GPR89B: variants seen among roughly 807,000 people sequenced by gnomAD.
GPR89B encodes G protein-coupled receptor 89B.
In GPR89B, 25 loss-of-function variants were observed where a neutral mutation model predicts 52.4. The observed-to-expected ratio is 0.48, with a 90% CI of 0.35 to 0.67. The LOEUF (loss-of-function observed/expected upper bound fraction) is 0.67. Among genes scored for constraint, GPR89B ranks in the 30% least tolerant of loss-of-function variants. GPR89B has a pLI of 0.01. For synonymous variants in GPR89B, 52 were observed against 151.2 expected, an observed-to-expected ratio of 0.34 and a Z score of 4.81; for missense variants, 146 against 450.2, an observed-to-expected ratio of 0.32 and a Z score of 6.11.
downstream of GPR89B, chr1:147,995,946 C>G (rs1311786116): frequency 6.9e-6 from 10 of 1,455,312 alleles, no homozygotes; most frequent in Admixed American, 1.3e-4. Context: ...CAGACTAGCT[C>G]TCCTTAAGAG....
At chr1:147,969,775 C>T (rs1434456780) in intron 9 of GPR89B, 92 bp from the exon 10 acceptor site, 3 of 1,518,616 alleles carry the variant, frequency 2.0e-6, no homozygotes, top group East Asian at 4.9e-5. Flanking sequence ...TTTGACTGAA[C>T]CTGAACAGTG....
chr1:147,958,991 T>A (rs1656337538), intron 7 of GPR89B, among the ~76,000 whole-genome samples: 1 of 152,234 alleles, frequency 6.6e-6, no homozygotes, highest in Admixed American at 6.5e-5. Context: ...GTTTTTGTTG[T>A]TTACAAGTGG....
rs1171916425 is a variant in GPR89B, at chr1:147,971,422, A to T, written c.909+1463A>T. ...CGTCTCAGCCTCCCAAAGTGCTGGGACTACAGGCGTGAGCCATCACACCCG... is the reference window on the plus strand; with the variant it reads ...CGTCTCAGCCTCCCAAAGTGCTGGGTCTACAGGCGTGAGCCATCACACCCG... On this transcript the variant is annotated intron_variant, in intron 10 of 13. Coordinates refer to ENST00000314163, the MANE Select transcript of GPR89B (RefSeq NM_016334.5). 8.3e-5 allele frequency among the ~76,000 whole-genome samples: 12 copies of T among 143,818 alleles called. No homozygotes were observed. The Admixed American group carries it at 8.4e-4, about 10-fold the overall frequency. 94.4% of individuals were successfully genotyped at this position (143,818 alleles called of 152,430 possible).
rs781785582 is a variant in GPR89B at position 147,944,126 on chromosome 1, G to T, written c.415+28G>T. 2.5e-6 allele frequency: 4 copies of T among 1,591,232 alleles called. No homozygotes were observed. In the South Asian group the frequency reaches 4.7e-5, roughly 19 times the overall value. ...GAGTATATATAGGAGGGCAGAGGAA[G>T]TGGGGGGAGAAGATTTGTTTAATTT... On this transcript the variant is annotated intron_variant, in intron 5 of 13. Transcript: ENST00000314163.
intron 5 of GPR89B, among the ~76,000 whole-genome samples, chr1:147,947,291 T>C (rs1655055982): frequency 6.8e-6 from 1 of 147,322 alleles, no homozygotes; most frequent in African/African-American, 2.6e-5. Context: ...TGAGCTGAGA[T>C]CGTGCCACTC....
At chr1:148,013,859 G>C in the GPR89B span, among the ~76,000 whole-genome samples, 1 of 152,026 alleles carries the variant, frequency 6.6e-6, no homozygotes, top group Non-Finnish European at 1.5e-5. Context: ...AGGACGGCTG[G>C]GGAGGAGGAG....
At chr1:147,968,577 C>T (rs1657197891) in intron 8 of GPR89B, 1 of 482,922 alleles carries the variant, frequency 2.1e-6, no homozygotes. Context: ...TTACATTTGA[C>T]TTAATCTAAC....
chr1:147,965,589 C>G (rs1656968328), intron 7 of GPR89B, among the ~76,000 whole-genome samples: 2 of 152,082 alleles, frequency 1.3e-5, no homozygotes, highest in East Asian at 1.9e-4. Context: ...TACCACTGTA[C>G]TAGTCGGTCC....
intron 1 of GPR89B, among the ~76,000 whole-genome samples, chr1:147,935,849 C>A (rs1654039385): frequency 6.6e-6 from 1 of 152,248 alleles, no homozygotes; most frequent in East Asian, 1.9e-4. Context: ...ATCTTCCCAC[C>A]TCAGCCTCCC....
intron 1 of GPR89B, among the ~76,000 whole-genome samples, chr1:147,930,244 A>G (rs1411954830): frequency 6.6e-6 from 1 of 152,186 alleles, no homozygotes; most frequent in Non-Finnish European, 1.5e-5. Flanking sequence ...TTTGCATGGA[A>G]TGTTCTCTGT....
chr1:147,963,376 A>T (rs1361912345), intron 7 of GPR89B, among the ~76,000 whole-genome samples: 2 of 810 alleles, frequency 2.5e-3, no homozygotes, highest in African/African-American at 3.8e-3. Flanking sequence ...ACTCCTTCTT[A>T]AAAAAAAAAA....
chr1:147,968,137 A>G, intron 8 of GPR89B: 1 of 391,624 alleles, frequency 2.6e-6, no homozygotes, highest in South Asian at 1.9e-5. Context: ...GTGATGAGTT[A>G]ACAAACATAT....
chr1:148,014,470 G>A, the GPR89B span: 1 of 151,078 alleles, frequency 6.6e-6, no homozygotes, highest in Non-Finnish European at 1.5e-5. Flanking sequence ...CCGCGGACGA[G>A]GGCCCCGCAT....
At chr1:148,019,372 A>G in the GPR89B span, among the ~76,000 whole-genome samples, 2 of 150,386 alleles carry the variant, frequency 1.3e-5, no homozygotes, top group East Asian at 2.0e-4. Context: ...GCGAGAACAC[A>G]TGGATAAATG....
chr1:147,954,892 TA>T (rs1656004726), intron 7 of GPR89B, among the ~76,000 whole-genome samples: 1 of 152,058 alleles, frequency 6.6e-6, no homozygotes, highest in Non-Finnish European at 1.5e-5. Context: ...CTCACATGTT[TA>T]TTTTTTTGTG....
chr1:148,021,402 C>G, the GPR89B span, among the ~76,000 whole-genome samples: 1 of 151,848 alleles, frequency 6.6e-6, no homozygotes, highest in East Asian at 1.9e-4. Context: ...CTCAGGAGGC[C>G]GAGGCGGGAG....
At chr1:147,971,338 A>G (rs1352127049) in intron 10 of GPR89B, among the ~76,000 whole-genome samples, 18 of 151,434 alleles carry the variant, frequency 1.2e-4, no homozygotes, top group African/African-American at 1.7e-4. Context: ...TTCAGTAGAC[A>G]TGGGCTTTCA....
intron 1 of GPR89B, among the ~76,000 whole-genome samples, chr1:147,930,827 T>C (rs1300848829): frequency 3.3e-5 from 5 of 152,132 alleles, no homozygotes; most frequent in African/African-American, 4.8e-5. Context: ...CCTGAACTTC[T>C]TTTAGTTCCC....
intron 7 of GPR89B, among the ~76,000 whole-genome samples, chr1:147,958,248 A>T (rs1656271605): frequency 6.6e-6 from 1 of 152,146 alleles, no homozygotes; most frequent in Admixed American, 6.5e-5. Flanking sequence ...TGCAGATTTT[A>T]AAAAATAGAG....
Sources: allele counts gnomAD v4.1 joint callset (sites outside exome capture counted in the v4.1 genomes callset), GRCh38; gene constraint gnomAD v4.1.1; transcripts MANE v1.5; gene names NCBI Gene and HGNC (gene_info 2026-07-23, HGNC 2026-07-21).